DDHD1: variants seen among roughly 807,000 people sequenced by gnomAD.
DDHD1 encodes the protein DDHD domain containing 1.
In DDHD1, 49 loss-of-function variants were observed where a neutral mutation model predicts 96.4. The observed-to-expected ratio is 0.51, with a 90% CI of 0.40 to 0.64. DDHD1 has a LOEUF of 0.64. Among genes scored for constraint, DDHD1 ranks in the 30% least tolerant of loss-of-function variants. DDHD1 has a pLI of 0.00. For synonymous variants in DDHD1, 442 were observed against 446.5 expected (o/e 0.99, Z 0.13); for missense variants, 1,106 against 1,161.2 (o/e 0.95, Z 0.69).
intron 6 of DDHD1, among the ~76,000 whole-genome samples, chr14:53,066,057 C>T (rs897975504): frequency 1.3e-5 from 2 of 152,150 alleles, no homozygotes; most frequent in African/African-American, 4.8e-5. Flanking sequence ...TTTATCAGTA[C>T]ATATTTTATC....
chr14:53,066,958 CAAA>C (rs34195210), intron 6 of DDHD1, among the ~76,000 whole-genome samples: 1 of 134,424 alleles, frequency 7.4e-6, no homozygotes, highest in Non-Finnish European at 1.6e-5. Flanking sequence ...GAACCTGTCT[CAAA>C]AAAAAAAAAA....
At chr14:53,113,545 G>A (rs985011051) in intron 1 of DDHD1, among the ~76,000 whole-genome samples, 2 of 152,014 alleles carry the variant, frequency 1.3e-5, no homozygotes, top group African/African-American at 4.8e-5. Flanking sequence ...TCCAACTGAG[G>A]TGCCCCGTTC....
At chr14:53,069,696 C>A (rs1884348028) in intron 6 of DDHD1, among the ~76,000 whole-genome samples, 3 of 152,168 alleles carry the variant, frequency 2.0e-5, no homozygotes, top group African/African-American at 7.2e-5. Context: ...ATACTTACAA[C>A]ACACATGCAT....
At position 53,152,729 on chromosome 14, in the gene DDHD1, G is replaced by A. The variant is rs763174912; in HGVS notation, c.370C>T (p.Pro124Ser). Residue 124 changes from proline (P) to serine (S), a missense_variant, in exon 1 of 13, where the codon CCG (proline) becomes TCG (serine). Pro to Ser is a moderately conservative substitution (Grantham distance 74). This residue lies in a region of DDHD1 where 456 missense variants were observed against 402.4 expected (regional missense o/e 1.13). Coordinates refer to ENST00000673822, the MANE Select transcript of DDHD1 (RefSeq NM_001160148.2). The stretch of plus-strand genomic sequence containing the variant: ...CCCCCCGAGTTCGTCGGGACCAGCG[G>A]AGGCTGCTGCGGCGGGTGCAGCGAC... ...SLSLHPPQQP[P>S]LVPTNSGGGG... 4 of 1,602,414 alleles carry A rather than the reference G, an allele frequency of 2.5e-6. No individual in the cohort carries two copies. The highest frequency in any genetic ancestry group is 2.2e-5 in the South Asian group (2 of 90,398).
rs1043210814 is a variant in DDHD1 at position 53,058,401 on chromosome 14, C to T, written c.1992+76G>A. 3.4e-6 allele frequency: 5 copies of T among 1,485,582 alleles called. No individual in the cohort carries two copies. In the South Asian group the frequency reaches 4.2e-5, roughly 12 times the overall value. The allele number at this position is 1,485,582 out of a possible 1,614,324, so 92.0% of individuals were successfully genotyped here. A position where few individuals can be genotyped will look rare whatever the true frequency, so the allele number is the denominator to read the frequency against. ...AAGTGCTGGGATTACAAGCGTGAGC[C>T]ACTGTGCCCAGCTGATAGATTCTTT... On this transcript the variant is annotated intron_variant, in intron 9 of 12. Transcript: ENST00000673822.
At chr14:53,101,301 C>T (rs1286415309) in intron 2 of DDHD1, among the ~76,000 whole-genome samples, 1 of 152,140 alleles carries the variant, frequency 6.6e-6, no homozygotes, top group South Asian at 2.1e-4. Flanking sequence ...AAATGTACTA[C>T]ACAATTTCCC....
Position 53,062,959 on chromosome 14 carries a change from A to G in DDHD1, c.1750T>C (p.Tyr584His). The change falls in exon 7 of 13, where the codon TAT (tyrosine) becomes CAT (histidine). Residue 584 changes from tyrosine to histidine, a missense_variant. Around this residue, in one of 2 missense-constraint regions of DDHD1, gnomAD observed 650 missense variants for 758.8 expected, o/e 0.86. Coordinates refer to ENST00000673822, the MANE Select transcript of DDHD1 (RefSeq NM_001160148.2). ...YEERHLLDEL[Y>H]ITKRRLKEIE... ...ATATTTTACCGTCGTTTAGTTATAT[A>G]GAGTTCATCAAGAAGATGTCGTTCT... 1.2e-6 allele frequency: 2 copies of G among 1,613,984 alleles called. No individual in the cohort carries two copies. Among genetic ancestry groups the G allele is most frequent in the Non-Finnish European group, 1.7e-6 (2 of 1,179,950 alleles).
intron 1 of DDHD1, among the ~76,000 whole-genome samples, chr14:53,142,583 A>G (rs1890714605): frequency 6.6e-6 from 1 of 152,238 alleles, no homozygotes; most frequent in South Asian, 2.1e-4. Flanking sequence ...AGTCGTCTAA[A>G]TGAGCTCTGG....
At chr14:53,148,675 T>C (rs968936394) in intron 1 of DDHD1, among the ~76,000 whole-genome samples, 1 of 152,248 alleles carries the variant, frequency 6.6e-6, no homozygotes, top group Admixed American at 6.5e-5. Context: ...TGCCTTCCCA[T>C]CTGCTATTAC....
rs374202355 is a variant in DDHD1 at position 53,046,822 on chromosome 14, G to A, written c.2649C>T (p.Phe883=). ...CATCATCGTGCTCATGTTTATACAT[G>A]AAGGTTAAAAGAAAAAGGGCAACAT... is the stretch of plus-strand genomic sequence containing the variant. The part of the protein sequence containing the change: ...SLDVALFLLT[F]MYKHEHDDDA... The change falls in exon 13 of 13, where the codon TTC becomes TTT. Residue 883 remains phenylalanine (F), a synonymous_variant. Coordinates refer to ENST00000673822, the MANE Select transcript of DDHD1 (RefSeq NM_001160148.2). 1.2e-5 allele frequency: 19 copies of A among 1,612,538 alleles called. No individual in the cohort carries two copies. Among genetic ancestry groups the A allele is most frequent in the Admixed American group, 3.3e-5 (2 of 59,820 alleles).
intron 8 of DDHD1, among the ~76,000 whole-genome samples, chr14:53,060,584 T>C (rs10138764): frequency 0.031 from 4,787 of 152,304 alleles, 251 homozygotes; most frequent in African/African-American, 0.11. Flanking sequence ...ATACTTCCTC[T>C]GATTTTTTTC....
intron 1 of DDHD1, among the ~76,000 whole-genome samples, chr14:53,116,976 T>C (rs1359113748): frequency 1.3e-5 from 2 of 151,652 alleles, no homozygotes; most frequent in East Asian, 1.9e-4. Flanking sequence ...GCTAGACTAA[T>C]AAAGAAAAGA....
At chr14:53,140,066 T>C (rs1166223379) in intron 1 of DDHD1, among the ~76,000 whole-genome samples, 1 of 152,086 alleles carries the variant, frequency 6.6e-6, no homozygotes, top group Non-Finnish European at 1.5e-5. Flanking sequence ...AAGAATACCT[T>C]TGATCAACAC....
At chr14:53,086,445 G>A (rs1032497839) in intron 4 of DDHD1, among the ~76,000 whole-genome samples, 1 of 152,226 alleles carries the variant, frequency 6.6e-6, no homozygotes, top group Non-Finnish European at 1.5e-5. Flanking sequence ...CAGACTAATG[G>A]CGGATCTCTC....
intron 1 of DDHD1, among the ~76,000 whole-genome samples, chr14:53,133,858 C>T (rs952896679): frequency 6.6e-6 from 1 of 152,144 alleles, no homozygotes; most frequent in East Asian, 1.9e-4. Context: ...AAGAATCTGA[C>T]CCCTCAAATT....
intron 1 of DDHD1, among the ~76,000 whole-genome samples, chr14:53,114,958 C>T (rs141624875): frequency 1.8e-4 from 28 of 152,266 alleles, no homozygotes; most frequent in African/African-American, 6.5e-4. Context: ...TAACCCAATG[C>T]ATGGAGGCTA....
chr14:53,096,179 A>C, intron 2 of DDHD1: 1 of 985,276 alleles, frequency 1.0e-6, no homozygotes, highest in Non-Finnish European at 1.2e-6. Flanking sequence ...TCTCCATTTG[A>C]ACAGAGAAGG....
At chr14:53,113,474 G>C (rs1219047412) in intron 1 of DDHD1, among the ~76,000 whole-genome samples, 3 of 151,042 alleles carry the variant, frequency 2.0e-5, no homozygotes, top group South Asian at 2.1e-4. Context: ...GGCCGAATAG[G>C]AACAGCTCTG....
chr14:53,107,746 G>A (rs1209457834), intron 1 of DDHD1, among the ~76,000 whole-genome samples: 1 of 152,134 alleles, frequency 6.6e-6, no homozygotes, highest in Non-Finnish European at 1.5e-5. Flanking sequence ...AGCTGAGATC[G>A]TGCTGAGAGA....
Sources: gnomAD v4.1 joint callset for allele counts (sites outside exome capture counted in the v4.1 genomes callset) on GRCh38, gnomAD v4.1.1 for gene constraint, gnomAD v4.1.1 regional missense constraint, MANE v1.5 for transcripts, NCBI Gene and HGNC (gene_info 2026-07-23, HGNC 2026-07-21) for gene names.